The following FMN1 variants were observed in gnomAD, a reference collection of about 807,000 sequenced individuals.
FMN1 encodes the protein formin 1, also known as formin-1.
In FMN1, 110 loss-of-function variants were observed where a neutral mutation model predicts 132.4. The observed-to-expected ratio is 0.83, with a 90% CI of 0.71 to 0.97. FMN1 has a LOEUF of 0.97. Among genes scored for constraint, FMN1 ranks in the 50% least tolerant of loss-of-function variants. FMN1 has a pLI of 0.00. For missense variants in FMN1, 1,792 were observed against 1,705.3 expected, an observed-to-expected ratio of 1.05 and a Z score of -0.90; for synonymous variants, 722 against 651.7, an observed-to-expected ratio of 1.11 and a Z score of -1.64.
chr15:32,833,055 C>T (rs970359515), intron 17 of FMN1, among the ~76,000 whole-genome samples: 3 of 152,114 alleles, frequency 2.0e-5, no homozygotes, highest in African/African-American at 4.8e-5. Flanking sequence ...TTTCTCCCCT[C>T]CTCCTCTGCT....
chr15:33,158,595 G>A (rs560174837), intron 3 of FMN1, among the ~76,000 whole-genome samples: 7 of 152,258 alleles, frequency 4.6e-5, no homozygotes, highest in African/African-American at 1.7e-4. Context: ...CATGATCTTG[G>A]GACTACAGTT....
At chr15:32,869,060 T>C (rs973906810) in intron 16 of FMN1, among the ~76,000 whole-genome samples, 1 of 152,122 alleles carries the variant, frequency 6.6e-6, no homozygotes, top group East Asian at 1.9e-4. Flanking sequence ...AAGGAGGAGC[T>C]AGCCCTCAAC....
intron 17 of FMN1, among the ~76,000 whole-genome samples, chr15:32,856,146 C>T (rs2059126655): frequency 6.6e-6 from 1 of 152,266 alleles, no homozygotes; most frequent in South Asian, 2.1e-4. Flanking sequence ...TATGCATTCA[C>T]CCTGCTTAAC....
rs1284158815 is a variant in FMN1 at position 33,045,252 on chromosome 15, G to A, written c.2161+19705C>T. On this transcript the variant is annotated intron_variant, in intron 6 of 20. Coordinates refer to ENST00000616417, the MANE Select transcript of FMN1 (RefSeq NM_001277313.2). ...CTGCAGCCAGCATGCCTGGCTGTGG[G>A]CAGTGGCTGGACCCCATGCTCACTT... 2.6e-5 allele frequency among the ~76,000 whole-genome samples: 4 copies of A among 152,190 alleles called. No individual in the cohort carries two copies. In the South Asian group the frequency reaches 6.2e-4, roughly 24 times the overall value.
At chr15:32,835,198 C>G (rs2058594172) in intron 17 of FMN1, among the ~76,000 whole-genome samples, 1 of 152,136 alleles carries the variant, frequency 6.6e-6, no homozygotes, top group Non-Finnish European at 1.5e-5. Flanking sequence ...GGATACGTGT[C>G]AGGCCTGACC....
intron 3 of FMN1, among the ~76,000 whole-genome samples, chr15:33,166,832 G>A (rs193274663): frequency 1.3e-5 from 2 of 152,282 alleles, no homozygotes; most frequent in African/African-American, 4.8e-5. Flanking sequence ...TAAACAGAAA[G>A]ATCTACCCAG....
intron 2 of FMN1, among the ~76,000 whole-genome samples, chr15:33,180,469 T>C (rs1965658349): frequency 6.6e-6 from 1 of 151,992 alleles, no homozygotes; most frequent in Admixed American, 6.6e-5. Flanking sequence ...ATAACCCTAA[T>C]CTCCCACCTA....
intron 7 of FMN1, among the ~76,000 whole-genome samples, chr15:33,001,258 G>A (rs2034086008): frequency 6.6e-6 from 1 of 152,110 alleles, no homozygotes; most frequent in African/African-American, 2.4e-5. Flanking sequence ...AATCTAGCTT[G>A]GGTAACAAGA....
At chr15:33,026,849 G>C (rs2035701294) in intron 6 of FMN1, among the ~76,000 whole-genome samples, 1 of 152,154 alleles carries the variant, frequency 6.6e-6, no homozygotes, top group Non-Finnish European at 1.5e-5. Context: ...AGGTTTCTAA[G>C]GGAGACAGGA....
At chr15:32,890,148 T>TCA (rs79697112) in intron 15 of FMN1, among the ~76,000 whole-genome samples, 44,410 of 152,050 alleles carry the variant, frequency 0.29, 7,107 homozygotes, top group African/African-American at 0.43. Flanking sequence ...TATATATATA[T>TCA]CAGTTTCTTT....
chr15:32,834,032 G>A (rs1460536114), intron 17 of FMN1, among the ~76,000 whole-genome samples: 1 of 152,052 alleles, frequency 6.6e-6, no homozygotes. Context: ...CTGATTCTCA[G>A]AACCTCCTGG....
chr15:32,779,642 G>A (rs1049845151), intron 19 of FMN1, among the ~76,000 whole-genome samples: 1 of 152,168 alleles, frequency 6.6e-6, no homozygotes, highest in African/African-American at 2.4e-5. Context: ...CTAATGAATA[G>A]GTTCAACAGG....
chr15:33,080,140 A>C (rs954631482), intron 5 of FMN1, among the ~76,000 whole-genome samples: 3 of 152,230 alleles, frequency 2.0e-5, no homozygotes, highest in Admixed American at 2.0e-4. Flanking sequence ...GATTTGGTTA[A>C]GCCATTCCTA....
At position 33,154,283 on chromosome 15, in the gene FMN1, AG is replaced by A; in HGVS notation, c.631del (p.Leu211PhefsTer4). On this transcript the variant is annotated frameshift_variant, in exon 4 of 21. Transcript: ENST00000616417. LOFTEE classifies it high-confidence loss of function. ...ATTTCCTTTCTCCTCTAGTACCCAA[AG>A]GTTAGGCCTTGTTCTAGAAAGAGGA... ...SLPLSRTRPNLWVLEEKGNLL... is the reference protein window; with the variant it reads ...SLPLSRTRPNXWVLEEKGNLL... 1 of 1,536,108 alleles carries A rather than the reference AG, an allele frequency of 6.5e-7. No individual in the cohort carries two copies. Among genetic ancestry groups the A allele is most frequent in the Non-Finnish European group, 8.7e-7 (1 of 1,146,914 alleles).
At chr15:32,979,590 A>T (rs1261845466) in intron 7 of FMN1, among the ~76,000 whole-genome samples, 1 of 150,972 alleles carries the variant, frequency 6.6e-6, no homozygotes, top group East Asian at 1.9e-4. Context: ...GAAACCATTC[A>T]TACTTTCAGA....
intron 4 of FMN1, among the ~76,000 whole-genome samples, chr15:33,100,337 G>T (rs1566914796): frequency 6.6e-6 from 1 of 151,878 alleles, no homozygotes. Flanking sequence ...AGATAACACA[G>T]GGAAGCTATT....
At chr15:33,034,981 T>C (rs345880) in intron 6 of FMN1, among the ~76,000 whole-genome samples, 59,455 of 152,014 alleles carry the variant, frequency 0.39, 12,004 homozygotes, top group Admixed American at 0.48. Context: ...GGTTCCTTAC[T>C]CTGTTTGCAC....
chr15:32,964,065 T>A (rs1244132951), intron 9 of FMN1, 42 bp downstream of exon 9: 4 of 1,406,170 alleles, frequency 2.8e-6, no homozygotes, highest in African/African-American at 1.5e-5. Flanking sequence ...ACCATTTCCC[T>A]GTATAATATA....
At chr15:32,860,761 G>T (rs1212883894) in intron 16 of FMN1, 1 of 152,108 alleles carries the variant, frequency 6.6e-6, no homozygotes, top group African/African-American at 2.4e-5. Flanking sequence ...TGCACCAAGG[G>T]GTCACCGTCT....
Sources: allele counts gnomAD v4.1 joint callset (sites outside exome capture counted in the v4.1 genomes callset), GRCh38; gene constraint gnomAD v4.1.1; transcripts MANE v1.5; gene names NCBI Gene and HGNC (gene_info 2026-07-23, HGNC 2026-07-21).